Variants in KHDRBS2 observed in about 807,000 individuals in gnomAD.
KHDRBS2 encodes the protein KH domain-containing, RNA-binding, signal transduction-associated protein 2.
Under a neutral mutation model 44.3 loss-of-function variants are expected in KHDRBS2, and 26 were observed. The ratio of observed to expected loss-of-function variants is 0.59; its 90% CI spans 0.43 to 0.81. KHDRBS2 has a LOEUF of 0.81. Ranked by LOEUF, KHDRBS2 falls within the 40% of genes least tolerant of loss-of-function variation. KHDRBS2 has a pLI of 0.00. For missense variants in KHDRBS2, 476 were observed against 433.1 expected, an observed-to-expected ratio of 1.10 and a Z score of -0.88; for synonymous variants, 194 against 151.1, an observed-to-expected ratio of 1.28 and a Z score of -2.08.
intron 6 of KHDRBS2, among the ~76,000 whole-genome samples, chr6:61,875,910 A>G (rs975817994): frequency 1.3e-4 from 20 of 151,890 alleles, no homozygotes; most frequent in Admixed American, 1.2e-3. Context: ...CATTTTCTGT[A>G]TGACTTGGGT....
chr6:62,039,356 A>ATG (rs1785989921), intron 3 of KHDRBS2, among the ~76,000 whole-genome samples: 1 of 151,878 alleles, frequency 6.6e-6, no homozygotes, highest in African/African-American at 2.4e-5. Flanking sequence ...ATATATATAT[A>ATG]TAGAATTTCA....
Position 61,899,737 on chromosome 6 carries a change from C to CCT in KHDRBS2, c.611+1506_611+1507insAG, listed in dbSNP as rs901988905. On this transcript the variant is annotated intron_variant, in intron 5 of 8. Coordinates refer to ENST00000281156, the MANE Select transcript of KHDRBS2 (RefSeq NM_152688.4). Reference sequence around the variant, plus strand: ...AGATAAATTCATTGTTTTAATGCCCCCCCCCCGCATTTTAAGGCATACAAA... The same window carrying CCT: ...AGATAAATTCATTGTTTTAATGCCCCCTCCCCCCGCATTTTAAGGCATACAAA... Among the ~76,000 whole-genome samples, 4 of 136,596 alleles carry CCT rather than the reference C, an allele frequency of 2.9e-5. 1 individual carries two copies. The highest frequency in any genetic ancestry group is 7.6e-5 in the Admixed American group (1 of 13,138). The allele number at this position is 136,596 out of a possible 152,430, so 89.6% of individuals were successfully genotyped here.
At chr6:61,841,797 A>G (rs1793646661) in intron 6 of KHDRBS2, among the ~76,000 whole-genome samples, 1 of 152,160 alleles carries the variant, frequency 6.6e-6, no homozygotes, top group South Asian at 2.1e-4. Flanking sequence ...ACAACGCTTT[A>G]TAACATCCCT....
At position 61,797,299 on chromosome 6, in the gene KHDRBS2, T is replaced by G. The variant is rs184875186; in HGVS notation, c.811-64535A>C. 3.9e-5 allele frequency among the ~76,000 whole-genome samples: 6 copies of G among 152,232 alleles called. No individual in the cohort carries two copies. The East Asian group carries it at 1.2e-3, about 29-fold the overall frequency. On this transcript the variant is annotated intron_variant, in intron 6 of 8. Coordinates refer to ENST00000281156, the MANE Select transcript of KHDRBS2 (RefSeq NM_152688.4). ...CCACCTTTGCATAATGGCATTCTAA[T>G]GGCATATTTGAGATGTATCTTATTT...
At chr6:61,840,031 C>A (rs1323717263) in intron 6 of KHDRBS2, among the ~76,000 whole-genome samples, 1 of 151,848 alleles carries the variant, frequency 6.6e-6, no homozygotes, top group Non-Finnish European at 1.5e-5. Context: ...TTTTTTGTTA[C>A]CTTTTATAAT....
intron 7 of KHDRBS2, 96 bp from the exon 8 acceptor site, chr6:61,697,349 A>T: frequency 1.3e-6 from 1 of 777,978 alleles, no homozygotes; most frequent in Non-Finnish European, 2.3e-6. Flanking sequence ...GTGCTGAGGT[A>T]ATATTCCAGG....
At chr6:62,166,114 A>C (rs1383115883) in intron 2 of KHDRBS2, among the ~76,000 whole-genome samples, 3 of 152,026 alleles carry the variant, frequency 2.0e-5, no homozygotes, top group African/African-American at 7.2e-5. Flanking sequence ...ATGTTCATCT[A>C]TGTCGTAGAA....
chr6:61,618,926 G>A, the KHDRBS2 span, among the ~76,000 whole-genome samples: 2 of 151,950 alleles, frequency 1.3e-5, no homozygotes, highest in Non-Finnish European at 2.9e-5. Flanking sequence ...CATTTCTTGG[G>A]TTATTTTCTT....
Position 62,168,247 on chromosome 6 carries a change from T to C in KHDRBS2, c.219+8938A>G, listed in dbSNP as rs116614504. Among the ~76,000 whole-genome samples, 1,381 of 152,278 alleles carry C rather than the reference T, an allele frequency of 9.1e-3. 20 individuals carry two copies. Among genetic ancestry groups the C allele is most frequent in the African/African-American group, 0.031 (1,304 of 41,556 alleles). ...GGGCAGTTTTACACTCCTGGCAATA[T>C]ATTGCTTTAAAAAGTTGGCAGTAAC... On this transcript the variant is annotated intron_variant, in intron 2 of 8. Coordinates refer to ENST00000281156, the MANE Select transcript of KHDRBS2 (RefSeq NM_152688.4).
intron 6 of KHDRBS2, among the ~76,000 whole-genome samples, chr6:61,807,567 A>C (rs1787369534): frequency 6.6e-6 from 1 of 152,130 alleles, no homozygotes; most frequent in South Asian, 2.1e-4. Flanking sequence ...ACTAATTCAG[A>C]AACAGAAATC....
intron 3 of KHDRBS2, among the ~76,000 whole-genome samples, chr6:62,025,717 A>G (rs1034442859): frequency 3.3e-5 from 5 of 151,948 alleles, no homozygotes; most frequent in Admixed American, 2.6e-4. Context: ...TAAGACTCTT[A>G]ACTTTTATGT....
chr6:61,884,955 C>A (rs1800730432), intron 6 of KHDRBS2, among the ~76,000 whole-genome samples: 1 of 151,964 alleles, frequency 6.6e-6, no homozygotes, highest in African/African-American at 2.4e-5. Context: ...TGCATTCCTT[C>A]TTTAAGAAAA....
chr6:62,254,898 TA>T (rs1194106712), intron 1 of KHDRBS2, among the ~76,000 whole-genome samples: 1 of 152,090 alleles, frequency 6.6e-6, no homozygotes, highest in Non-Finnish European at 1.5e-5. Flanking sequence ...ATTGTTCAAC[TA>T]AATTGATAAT....
chr6:61,823,196 A>T (rs1257011415), intron 6 of KHDRBS2, among the ~76,000 whole-genome samples: 1 of 151,980 alleles, frequency 6.6e-6, no homozygotes, highest in Non-Finnish European at 1.5e-5. Context: ...ACAACCAAGG[A>T]AGGAGGGTTG....
At chr6:61,625,076 G>T in the KHDRBS2 span, among the ~76,000 whole-genome samples, 121 of 152,160 alleles carry the variant, frequency 8.0e-4, no homozygotes, top group Non-Finnish European at 1.5e-3. Flanking sequence ...AGGTATGCGT[G>T]TGGAATCCAG....
the KHDRBS2 span, among the ~76,000 whole-genome samples, chr6:61,639,237 CT>C: frequency 6.6e-6 from 1 of 152,094 alleles, no homozygotes; most frequent in African/African-American, 2.4e-5. Flanking sequence ...CTAAAGGACA[CT>C]GTTCAAGCTT....
intron 6 of KHDRBS2, among the ~76,000 whole-genome samples, chr6:61,744,126 T>C (rs1349202970): frequency 1.3e-5 from 2 of 152,128 alleles, no homozygotes; most frequent in African/African-American, 2.4e-5. Flanking sequence ...ACTATGCATA[T>C]CTGAGATTTT....
chr6:62,158,799 T>C (rs1444404245), intron 2 of KHDRBS2, among the ~76,000 whole-genome samples: 1 of 152,102 alleles, frequency 6.6e-6, no homozygotes, highest in Non-Finnish European at 1.5e-5. Flanking sequence ...TTAAAAATAA[T>C]GACCTATTTT....
At chr6:61,925,217 T>C (rs975184606) in intron 4 of KHDRBS2, among the ~76,000 whole-genome samples, 3 of 152,104 alleles carry the variant, frequency 2.0e-5, no homozygotes, top group African/African-American at 7.2e-5. Flanking sequence ...TGTGCTGCAG[T>C]TGGAAAAATG....
Sources: allele counts gnomAD v4.1 joint callset (sites outside exome capture counted in the v4.1 genomes callset), GRCh38; gene constraint gnomAD v4.1.1; transcripts MANE v1.5; gene names NCBI Gene and HGNC (gene_info 2026-07-23, HGNC 2026-07-21).